CHERP: variants seen among roughly 807,000 people sequenced by gnomAD.
The protein encoded by CHERP is ERPROT 213-21.
Under a neutral mutation model 113.8 loss-of-function variants are expected in CHERP, and 8 were observed. The ratio of observed to expected loss-of-function variants is 0.07; its 90% CI spans 0.04 to 0.13. The LOEUF is 0.13. CHERP is among the 10% of genes least tolerant of loss of function. The pLI is 1.00. For missense variants in CHERP, 884 were observed against 1,298.2 expected, an observed-to-expected ratio of 0.68 and a Z score of 4.90; for synonymous variants, 559 against 524.5, an observed-to-expected ratio of 1.07 and a Z score of -0.90.
chr19:16,520,566 C>T lies in CHERP; in HGVS notation c.2202-59G>A. 2 of 1,566,886 alleles carry T rather than the reference C, an allele frequency of 1.3e-6. No homozygotes were observed. Among genetic ancestry groups the T allele is most frequent in the Admixed American group, 1.8e-5 (1 of 54,868 alleles). ...GTGGATGGGCTGCACCCAGCCCACC[C>T]TGGCCCTCAGGTTCCTAGACCACCC... On this transcript the variant is annotated intron_variant, in intron 13 of 16. Coordinates refer to ENST00000546361, the MANE Select transcript of CHERP (RefSeq NM_006387.6). The surrounding 1 kb of genome is among the most constrained non-coding windows in gnomAD (Gnocchi z 4.0).
At chr19:16,534,911 A>G (rs1860879245) in intron 3 of CHERP, among the ~76,000 whole-genome samples, 1 of 152,126 alleles carries the variant, frequency 6.6e-6, no homozygotes, top group African/African-American at 2.4e-5. Flanking sequence ...CTCCATCTCT[A>G]CTACAAATAG....
chr19:16,529,706 C>A lies in CHERP; in HGVS notation c.1071G>T (p.Pro357=). The A allele has an allele frequency of 1.9e-6, 3 of 1,589,316 alleles. No individual in the cohort carries two copies. The highest frequency in any genetic ancestry group is 2.2e-5 in the South Asian group (2 of 88,986). The change falls in exon 8 of 17, where the codon CCG becomes CCT. Residue 357 remains proline, a synonymous_variant. Coordinates refer to ENST00000546361, the MANE Select transcript of CHERP (RefSeq NM_006387.6). ...MEAEVKATPP[P]PAPPPAPAPA... is the part of the protein sequence containing the mutation. ...GTGCTGGGGCCGGGGGTGGAGCAGG[C>A]GGTGGAGGCGTGGCCTTGACTTCAG...
At chr19:16,531,606 T>G (rs2085705352) in intron 5 of CHERP, among the ~76,000 whole-genome samples, 1 of 152,320 alleles carries the variant, frequency 6.6e-6, no homozygotes, top group East Asian at 1.9e-4. Flanking sequence ...CGAGCAGCAC[T>G]TGGCTTCGGA....
At chr19:16,529,145 A>G (rs190026692) in intron 8 of CHERP, among the ~76,000 whole-genome samples, 2 of 152,116 alleles carry the variant, frequency 1.3e-5, no homozygotes, top group Admixed American at 6.5e-5. Flanking sequence ...TGATCCTCCC[A>G]CCTCAGCCCC....
chr19:16,519,877 G>A lies in CHERP; in HGVS notation c.2463-162C>T. ...CTACCCGTTTATCCTGTCTCAGCTA[G>A]ATAAGGGGGCTCCAGACGCTGGCCC... On this transcript the variant is annotated intron_variant, in intron 15 of 16. Coordinates refer to ENST00000546361, the MANE Select transcript of CHERP (RefSeq NM_006387.6). This position sits in a 1 kb window ranked among gnomAD's most constrained non-coding sequence, Gnocchi z 6.0. The A allele has an allele frequency of 1.4e-6, 1 of 710,688 alleles. No homozygotes were observed. The highest frequency in any genetic ancestry group is 2.4e-6 in the Non-Finnish European group (1 of 409,570). 44.0% of individuals were successfully genotyped at this position (710,688 alleles called of 1,614,324 possible). A position where few individuals can be genotyped will look rare whatever the true frequency, so the allele number is the denominator to read the frequency against.
chr19:16,542,061 G>A lies in CHERP; in HGVS notation c.26-18C>T, dbSNP rs754359322. On this transcript the variant is annotated intron_variant, in intron 1 of 16. Coordinates refer to ENST00000546361, the MANE Select transcript of CHERP (RefSeq NM_006387.6). ...CTCCTGGTCTGGAGGACGGAGAAAAGGCCACGCGGGGCGTCAGCGAGGACC... is the reference window on the plus strand; with the variant it reads ...CTCCTGGTCTGGAGGACGGAGAAAAAGCCACGCGGGGCGTCAGCGAGGACC... 4.4e-6 allele frequency: 7 copies of A among 1,599,568 alleles called. No homozygotes were observed. In the Admixed American group the frequency reaches 8.7e-5, roughly 20 times the overall value.
chr19:16,531,133 C>T (rs535375265), intron 5 of CHERP, among the ~76,000 whole-genome samples: 182 of 152,274 alleles, frequency 1.2e-3, no homozygotes, highest in African/African-American at 4.3e-3. Flanking sequence ...GCCTTTTGGT[C>T]CAGTCCCCTT....
In CHERP at chr19:16,520,746, A is replaced by G; in HGVS notation, c.2201+80T>C. The stretch of plus-strand genomic sequence containing the variant: ...AGGCTGTGTGAGGGTGGACGTGATG[A>G]GTGTATCTGGGGTCTGCTCCCACCC... On this transcript the variant is annotated intron_variant, in intron 13 of 16. Transcript: ENST00000546361. The surrounding 1 kb of genome is among the most constrained non-coding windows in gnomAD (Gnocchi z 4.0). The G allele has an allele frequency of 7.3e-7, 1 of 1,367,090 alleles. No individual in the cohort carries two copies. Among genetic ancestry groups the G allele is most frequent in the Non-Finnish European group, 1.0e-6 (1 of 961,538 alleles). The allele number at this position is 1,367,090 out of a possible 1,614,324, so 84.7% of individuals were successfully genotyped here.
In CHERP at chr19:16,519,325, G is replaced by A. The variant is rs756956431; in HGVS notation, c.2585C>T (p.Ala862Val). 9.9e-6 allele frequency: 16 copies of A among 1,612,870 alleles called. No individual in the cohort carries two copies. The highest frequency in any genetic ancestry group is 8.9e-5 in the East Asian group (4 of 44,900). Residue 862 changes from alanine (A) to valine (V), a missense_variant, in exon 17 of 17, where the codon GCG becomes GTG. Physicochemically the swap from Ala to Val is moderately conservative, Grantham distance 64. Transcript: ENST00000546361. The surrounding 1 kb of genome is among the most constrained non-coding windows in gnomAD (Gnocchi z 6.0). ...MGWSGSGGLG[A>V]KEQGIQDPIK... ...GGGGTCCTGGATCCCTTGCTCCTTCGCACCGAGGCCGCCTGAGCCGCTCCA... is the reference window on the plus strand; with the variant it reads ...GGGGTCCTGGATCCCTTGCTCCTTCACACCGAGGCCGCCTGAGCCGCTCCA...
intron 9 of CHERP, among the ~76,000 whole-genome samples, chr19:16,526,717 T>G (rs1224536212): frequency 1.3e-5 from 2 of 152,090 alleles, no homozygotes; most frequent in Non-Finnish European, 2.9e-5. Flanking sequence ...TCTGCCCACC[T>G]CAGCCTCCCA....
rs993014049 is a variant in CHERP at position 16,523,738 on chromosome 19, A to C, written c.1742-448T>G. 2.0e-5 allele frequency among the ~76,000 whole-genome samples: 3 copies of C among 152,102 alleles called. No individual in the cohort carries two copies. Among genetic ancestry groups the C allele is most frequent in the African/African-American group, 7.2e-5 (3 of 41,406 alleles). ...ATTAGGACACAGACATGTAGAGAGA[A>C]GACGGTCACCTATGAGCCAAGGAGA... On this transcript the variant is annotated intron_variant, in intron 10 of 16. Coordinates refer to ENST00000546361, the MANE Select transcript of CHERP (RefSeq NM_006387.6). The surrounding 1 kb of genome is among the most constrained non-coding windows in gnomAD (Gnocchi z 4.0).
intron 3 of CHERP, among the ~76,000 whole-genome samples, chr19:16,534,751 GGT>G (rs2085729815): frequency 6.6e-6 from 1 of 152,172 alleles, no homozygotes; most frequent in African/African-American, 2.4e-5. Context: ...TGGGATTACA[GGT>G]GTGAGCCACC....
rs1207790307 is a variant in CHERP at position 16,540,852 on chromosome 19, C to A, written c.199+1018G>T. Among the ~76,000 whole-genome samples, 6 of 151,714 alleles carry A rather than the reference C, an allele frequency of 4.0e-5. No individual in the cohort carries two copies. In the South Asian group the frequency reaches 1.0e-3, roughly 26 times the overall value. On this transcript the variant is annotated intron_variant, in intron 2 of 16. Coordinates refer to ENST00000546361, the MANE Select transcript of CHERP (RefSeq NM_006387.6). ...AGCTGGGACTACAGGCGCGGGCCAC[C>A]ACACCCGGCTAATTTTTGTATTTTT...
rs1236602182 is a variant in CHERP, at chr19:16,519,942, C to G, written c.2462+207G>C. 1 of 666,510 alleles carries G rather than the reference C, an allele frequency of 1.5e-6. No individual in the cohort carries two copies. The highest frequency in any genetic ancestry group is 2.6e-6 in the Non-Finnish European group (1 of 389,502). The allele number at this position is 666,510 out of a possible 1,614,324, so 41.3% of individuals were successfully genotyped here. A position where few individuals can be genotyped will look rare whatever the true frequency, so the allele number is the denominator to read the frequency against. On this transcript the variant is annotated intron_variant, in intron 15 of 16. Transcript: ENST00000546361. This position sits in a 1 kb window ranked among gnomAD's most constrained non-coding sequence, Gnocchi z 6.0. Reference sequence around the variant, plus strand: ...GCATTGAGAGCAGGACACCTCCAACCCAGATGGTGGTTAGAAAGCAGACCC... The same window carrying G: ...GCATTGAGAGCAGGACACCTCCAACGCAGATGGTGGTTAGAAAGCAGACCC...
chr19:16,533,679 G>C (rs769323200), intron 3 of CHERP, among the ~76,000 whole-genome samples: 27 of 152,058 alleles, frequency 1.8e-4, no homozygotes, highest in Admixed American at 5.9e-4. Flanking sequence ...AGGATTGCTG[G>C]AACCCAGGAG....
intron 11 of CHERP, among the ~76,000 whole-genome samples, chr19:16,522,573 C>T (rs1002926328): frequency 3.3e-5 from 5 of 152,112 alleles, no homozygotes; most frequent in Non-Finnish European, 7.4e-5. Context: ...CTGGCCCCTT[C>T]TTGCCTCACC....
Position 16,520,379 on chromosome 19 carries a change from G to T in CHERP, c.2330C>A (p.Ser777Tyr). Residue 777 changes from serine to tyrosine, a missense_variant, in exon 14 of 17, where the codon TCC (serine) becomes TAC (tyrosine). Ser to Tyr is a moderately radical substitution (Grantham distance 144, BLOSUM62 -2). Transcript: ENST00000546361. The surrounding 1 kb of genome is among the most constrained non-coding windows in gnomAD (Gnocchi z 4.0). The part of the protein sequence containing the change: ...SRSRSCSRSY[S>Y]RSRSRSRSRS... Reference sequence around the variant, plus strand: ...CTCTGCCTACCTAGATCTGGAGCGGGAGTAGGAACGGGAGCAGGAGCGCGA... The same window carrying T: ...CTCTGCCTACCTAGATCTGGAGCGGTAGTAGGAACGGGAGCAGGAGCGCGA... The T allele has an allele frequency of 6.2e-7, 1 of 1,613,962 alleles. No homozygotes were observed. The highest frequency in any genetic ancestry group is 8.5e-7 in the Non-Finnish European group (1 of 1,179,954).
Position 16,525,620 on chromosome 19 carries a change from A to T in CHERP, c.1363T>A (p.Trp455Arg). Reference sequence around the variant, plus strand: ...CACATGCCCTCATGGCTGTTGTTCCAGGGGGGGCAGTGGGGTGGGCCGCCC... The same window carrying T: ...CACATGCCCTCATGGCTGTTGTTCCTGGGGGGGCAGTGGGGTGGGCCGCCC... Reference protein sequence around the residue: ...HQGGPPHCPPWNNSHEGMWGE... With the variant: ...HQGGPPHCPPRNNSHEGMWGE... Residue 455 changes from tryptophan to arginine, a missense_variant, in exon 10 of 17, where the codon TGG becomes AGG. Trp to Arg is a moderately radical substitution (Grantham distance 101). Transcript: ENST00000546361. This position sits in a 1 kb window ranked among gnomAD's most constrained non-coding sequence, Gnocchi z 6.5. 1 of 1,532,330 alleles carries T rather than the reference A, an allele frequency of 6.5e-7. No homozygotes were observed. Among genetic ancestry groups the T allele is most frequent in the Non-Finnish European group, 8.8e-7 (1 of 1,142,054 alleles). The allele number at this position is 1,532,330 out of a possible 1,614,324, so 94.9% of individuals were successfully genotyped here. A position where few individuals can be genotyped will look rare whatever the true frequency, so the allele number is the denominator to read the frequency against.
At chr19:16,531,656 G>C (rs1189195203) in intron 5 of CHERP, among the ~76,000 whole-genome samples, 1 of 152,250 alleles carries the variant, frequency 6.6e-6, no homozygotes, top group African/African-American at 2.4e-5. Flanking sequence ...GAGAATGCGG[G>C]AAACTGTGCA....
Sources: allele counts gnomAD v4.1 joint callset (sites outside exome capture counted in the v4.1 genomes callset), GRCh38; gene constraint gnomAD v4.1.1; non-coding constraint Gnocchi (gnomAD v3.1); transcripts MANE v1.5; gene names NCBI Gene and HGNC (gene_info 2026-07-23, HGNC 2026-07-21).